Variants in PRKN observed in about 807,000 individuals in gnomAD.
PRKN encodes the protein parkin RBR E3 ubiquitin protein ligase.
A neutral mutation model predicts 59.5 loss-of-function variants in PRKN; 56 were observed. The observed-to-expected ratio is 0.94, with a 90% CI of 0.76 to 1.18. The LOEUF (loss-of-function observed/expected upper bound fraction) is 1.18, where lower values mean the gene tolerates loss of function less well. PRKN is among the 50% of genes most tolerant of loss of function. The pLI is 0.00. For synonymous variants in PRKN, 250 were observed against 222.1 expected (o/e 1.13, Z -1.12); for missense variants, 657 against 596.4 (o/e 1.10, Z -1.06).
chr6:161,839,389 T>C (rs1048287548), intron 6 of PRKN, among the ~76,000 whole-genome samples: 1 of 151,978 alleles, frequency 6.6e-6, no homozygotes, highest in Non-Finnish European at 1.5e-5. Context: ...AGCAAATCAC[T>C]GGGAATTACT....
chr6:162,053,451 A>G (rs1777730922), intron 5 of PRKN, among the ~76,000 whole-genome samples: 1 of 152,248 alleles, frequency 6.6e-6, no homozygotes, highest in Admixed American at 6.5e-5. Flanking sequence ...CATGTGAAGC[A>G]TGACCATAAT....
chr6:162,106,899 G>A (rs1313546215), intron 4 of PRKN, among the ~76,000 whole-genome samples: 1 of 152,178 alleles, frequency 6.6e-6, no homozygotes, highest in Non-Finnish European at 1.5e-5. Context: ...TAGTCTTGCT[G>A]CCCAGCCCTC....
intron 2 of PRKN, among the ~76,000 whole-genome samples, chr6:162,416,181 G>A (rs1471932711): frequency 6.6e-6 from 1 of 152,074 alleles, no homozygotes. Context: ...CAAAATTGTC[G>A]AGGGTGAGTA....
intron 7 of PRKN, among the ~76,000 whole-genome samples, chr6:161,775,095 T>C (rs1334108069): frequency 6.6e-6 from 1 of 152,124 alleles, no homozygotes; most frequent in Non-Finnish European, 1.5e-5. Flanking sequence ...GGCAGACACA[T>C]GGAGATTGCA....
chr6:162,246,516 G>A (rs2128093777), intron 3 of PRKN, among the ~76,000 whole-genome samples: 1 of 152,274 alleles, frequency 6.6e-6, no homozygotes, highest in African/African-American at 2.4e-5. Context: ...TACTTCAAGT[G>A]TTCTAGATTT....
At chr6:161,421,178 A>G (rs1788088675) in intron 9 of PRKN, among the ~76,000 whole-genome samples, 1 of 152,140 alleles carries the variant, frequency 6.6e-6, no homozygotes, top group African/African-American at 2.4e-5. Flanking sequence ...CCCATACCCC[A>G]CACCAGGAGA....
At chr6:161,863,754 A>G (rs1268611713) in intron 6 of PRKN, among the ~76,000 whole-genome samples, 2 of 152,204 alleles carry the variant, frequency 1.3e-5, no homozygotes, top group African/African-American at 4.8e-5. Flanking sequence ...TTTAAGGTAT[A>G]TAGGCATAGC....
intron 9 of PRKN, among the ~76,000 whole-genome samples, chr6:161,491,199 G>A (rs948123797): frequency 1.3e-5 from 2 of 152,156 alleles, no homozygotes; most frequent in Admixed American, 6.5e-5. Context: ...CTTTTGAAAT[G>A]ATTTGGTTCT....
At chr6:161,824,305 C>T (rs1255914305) in intron 6 of PRKN, among the ~76,000 whole-genome samples, 1 of 152,194 alleles carries the variant, frequency 6.6e-6, no homozygotes, top group Middle Eastern at 3.2e-3. Context: ...GTCATAAGTG[C>T]AAGGTGCGAT....
intron 1 of PRKN, among the ~76,000 whole-genome samples, chr6:162,661,090 C>T (rs1386371290): frequency 3.3e-5 from 5 of 152,084 alleles, no homozygotes; most frequent in South Asian, 4.2e-4. Context: ...GGAGAAACCC[C>T]GTCTCTACTA....
At chr6:162,652,787 AAAT>A (rs1271547534) in intron 1 of PRKN, among the ~76,000 whole-genome samples, 1 of 152,142 alleles carries the variant, frequency 6.6e-6, no homozygotes, top group African/African-American at 2.4e-5. Flanking sequence ...TATTAAAAAA[AAAT>A]AAGAAGAAGA....
intron 1 of PRKN, among the ~76,000 whole-genome samples, chr6:162,723,883 A>T (rs1412366852): frequency 6.6e-6 from 1 of 152,210 alleles, no homozygotes; most frequent in Non-Finnish European, 1.5e-5. Context: ...GGACATGCAG[A>T]TATGTAAATT....
At chr6:161,637,753 GT>G (rs1223551372) in intron 7 of PRKN, among the ~76,000 whole-genome samples, 1 of 151,384 alleles carries the variant, frequency 6.6e-6, no homozygotes, top group East Asian at 1.9e-4. Context: ...AAAAAGTTAA[GT>G]TCTTTGGATT....
chr6:161,552,498 C>G lies in PRKN; in HGVS notation c.934-3495G>C, dbSNP rs953455237. Among the ~76,000 whole-genome samples the G allele has an allele frequency of 6.6e-6, 1 of 151,740 alleles. No homozygotes were observed. The highest frequency in any genetic ancestry group is 1.5e-5 in the Non-Finnish European group (1 of 67,952). On this transcript the variant is annotated intron_variant, in intron 8 of 11. Coordinates refer to ENST00000366898, the MANE Select transcript of PRKN (RefSeq NM_004562.3). This position sits in a 1 kb window ranked among gnomAD's most constrained non-coding sequence, Gnocchi z 4.9. ...AATGATCTCACGGTGATCCTCCAAG[C>G]CCCTCTCCCTCAGCTCTGCATCACC...
chr6:161,683,427 G>A (rs1211441782), intron 7 of PRKN, among the ~76,000 whole-genome samples: 1 of 152,190 alleles, frequency 6.6e-6, no homozygotes, highest in African/African-American at 2.4e-5. Context: ...AAAACAAGTG[G>A]CAAGAGCTAG....
At position 161,417,218 on chromosome 6, in the gene PRKN, G is replaced by C. The variant is rs925643115; in HGVS notation, c.1084-30341C>G. Among the ~76,000 whole-genome samples the C allele has an allele frequency of 6.6e-6, 1 of 152,114 alleles. No individual in the cohort carries two copies. Among genetic ancestry groups the C allele is most frequent in the Non-Finnish European group, 1.5e-5 (1 of 68,014 alleles). ...TGTAATCCCAGCACTTTGGGAGGCC[G>C]AGGCTGCCAAATCACGAGGTCAAGA... is the stretch of plus-strand genomic sequence containing the variant. On this transcript the variant is annotated intron_variant, in intron 9 of 11. Coordinates refer to ENST00000366898, the MANE Select transcript of PRKN (RefSeq NM_004562.3). This position sits in a 1 kb window ranked among gnomAD's most constrained non-coding sequence, Gnocchi z 5.4.
intron 8 of PRKN, among the ~76,000 whole-genome samples, chr6:161,564,942 T>A (rs189730006): frequency 2.3e-3 from 350 of 152,346 alleles, no homozygotes; most frequent in Non-Finnish European, 3.6e-3. Context: ...ACAAGCTCGA[T>A]GTGAAGTCTT....
At chr6:161,654,805 C>T (rs191575215) in intron 7 of PRKN, among the ~76,000 whole-genome samples, 1 of 152,280 alleles carries the variant, frequency 6.6e-6, no homozygotes, top group East Asian at 1.9e-4. Context: ...CCAGCAAAGG[C>T]CACAGGGGCA....
At chr6:161,734,559 C>T (rs1010112230) in intron 7 of PRKN, among the ~76,000 whole-genome samples, 1 of 152,148 alleles carries the variant, frequency 6.6e-6, no homozygotes, top group African/African-American at 2.4e-5. Context: ...AGGGGTAATA[C>T]ATTTGTGTTA....
Sources: gnomAD v4.1 joint callset for allele counts (sites outside exome capture counted in the v4.1 genomes callset) on GRCh38, gnomAD v4.1.1 for gene constraint, Gnocchi (gnomAD v3.1) non-coding constraint, MANE v1.5 for transcripts, NCBI Gene and HGNC (gene_info 2026-07-23, HGNC 2026-07-21) for gene names.